Variants in ADAMTSL3 observed in about 807,000 individuals in gnomAD.
ADAMTSL3 encodes the protein ADAMTS like 3, also known as ADAMTS-like protein 3.
A neutral mutation model predicts 201.7 loss-of-function variants in ADAMTSL3; 128 were observed. That is an observed-to-expected ratio of 0.63 (90% CI 0.55 to 0.73). The LOEUF is 0.73. ADAMTSL3 is among the 30% of genes least tolerant of loss of function. The pLI is 0.00. For missense variants in ADAMTSL3, 1,990 were observed against 2,119.6 expected (o/e 0.94, Z 1.20); for synonymous variants, 738 against 748.4 (o/e 0.99, Z 0.23).
intron 2 of ADAMTSL3, among the ~76,000 whole-genome samples, chr15:83,664,037 T>A (rs2061213744): frequency 6.6e-6 from 1 of 152,174 alleles, no homozygotes; most frequent in East Asian, 1.9e-4. Context: ...CCAGGCAGCC[T>A]CCATCTCTCC....
chr15:83,905,521 C>A (rs575799759), intron 15 of ADAMTSL3, among the ~76,000 whole-genome samples: 36 of 152,244 alleles, frequency 2.4e-4, no homozygotes, highest in Admixed American at 1.0e-3. Context: ...GCTGGAGGAG[C>A]CAGCAAGTCT....
chr15:84,006,301 C>T (rs759542360), intron 23 of ADAMTSL3, among the ~76,000 whole-genome samples: 3 of 151,968 alleles, frequency 2.0e-5, no homozygotes, highest in Non-Finnish European at 2.9e-5. Context: ...CTTCATTTGT[C>T]GTATATGAAA....
intron 3 of ADAMTSL3, among the ~76,000 whole-genome samples, chr15:83,708,494 C>T (rs975542013): frequency 1.3e-5 from 2 of 152,012 alleles, no homozygotes; most frequent in African/African-American, 2.4e-5. Context: ...ATGGATCATA[C>T]GGAGGGCCGC....
At chr15:83,677,316 T>G (rs1183332831) in intron 2 of ADAMTSL3, among the ~76,000 whole-genome samples, 1 of 152,160 alleles carries the variant, frequency 6.6e-6, no homozygotes, top group East Asian at 1.9e-4. Flanking sequence ...TGTTTAGTTC[T>G]TCTATAATCT....
chr15:83,903,917 C>CAAAAAAAAAAAAAAAAAA (rs1168502648), intron 15 of ADAMTSL3, among the ~76,000 whole-genome samples: 26 of 19,276 alleles, frequency 1.3e-3, no homozygotes, highest in Admixed American at 3.1e-3. Context: ...GACTCCACAT[C>CAAAAAAAAAAAAAAAAAA]AAAAAAAAAA....
At chr15:83,660,921 C>T (rs1333391454) in intron 2 of ADAMTSL3, among the ~76,000 whole-genome samples, 10 of 149,066 alleles carry the variant, frequency 6.7e-5, no homozygotes, top group East Asian at 5.9e-4. Context: ...TTAGGTCTAA[C>T]GTTTAAATCT....
At chr15:83,834,684 T>A (rs533608478) in intron 6 of ADAMTSL3, among the ~76,000 whole-genome samples, 1 of 152,360 alleles carries the variant, frequency 6.6e-6, no homozygotes, top group African/African-American at 2.4e-5. Flanking sequence ...GCACTACTCA[T>A]ATATTTTAAA....
At chr15:83,692,386 CTTGT>C (rs2061622072) in intron 2 of ADAMTSL3, among the ~76,000 whole-genome samples, 2 of 151,746 alleles carry the variant, frequency 1.3e-5, no homozygotes, top group Admixed American at 1.3e-4. Flanking sequence ...TATCGTCTTG[CTTGT>C]TTAAGAGTTT....
chr15:83,981,571 G>T (rs531381776), intron 20 of ADAMTSL3, among the ~76,000 whole-genome samples: 6 of 152,246 alleles, frequency 3.9e-5, no homozygotes, highest in Non-Finnish European at 8.8e-5. Flanking sequence ...AGAGATGAAA[G>T]AATTTGTCCA....
chr15:83,893,988 A>T (rs4414460), intron 13 of ADAMTSL3, among the ~76,000 whole-genome samples: 1 of 151,972 alleles, frequency 6.6e-6, no homozygotes, highest in Non-Finnish European at 1.5e-5. Context: ...CAGCTACCAT[A>T]CTAAGAAGTA....
chr15:83,775,174 C>A (rs1266330283), intron 4 of ADAMTSL3, among the ~76,000 whole-genome samples: 2 of 152,122 alleles, frequency 1.3e-5, no homozygotes, highest in African/African-American at 2.4e-5. Context: ...AGGGTGAGTT[C>A]TTTCCCACTG....
At position 83,943,897 on chromosome 15, in the gene ADAMTSL3, G is replaced by A. The variant is rs187744829; in HGVS notation, c.2490+815G>A. Among the ~76,000 whole-genome samples, 494 of 152,192 alleles carry A rather than the reference G, an allele frequency of 3.2e-3. 2 individuals carry two copies. Among genetic ancestry groups the A allele is most frequent in the African/African-American group, 0.011 (462 of 41,528 alleles). ...GTACAGTAGTCCCAGTTTATTCACAGGGAATACAGTCCAAGACCCCAGTGG... is the reference window on the plus strand; with the variant it reads ...GTACAGTAGTCCCAGTTTATTCACAAGGAATACAGTCCAAGACCCCAGTGG... On this transcript the variant is annotated intron_variant, in intron 19 of 29. Coordinates refer to ENST00000286744, the MANE Select transcript of ADAMTSL3 (RefSeq NM_207517.3).
intron 2 of ADAMTSL3, among the ~76,000 whole-genome samples, chr15:83,678,773 T>TAA (rs1402980404): frequency 7.8e-6 from 1 of 128,618 alleles, no homozygotes; most frequent in Non-Finnish European, 1.6e-5. Flanking sequence ...TGTATATATA[T>TAA]AACATTAATA....
intron 4 of ADAMTSL3, among the ~76,000 whole-genome samples, chr15:83,794,694 T>C (rs1254982698): frequency 6.6e-6 from 1 of 152,038 alleles, no homozygotes; most frequent in Non-Finnish European, 1.5e-5. Flanking sequence ...AAAAGGCAAC[T>C]TGCAGGATTC....
intron 6 of ADAMTSL3, among the ~76,000 whole-genome samples, chr15:83,831,683 C>G (rs745497167): frequency 2.6e-5 from 4 of 152,156 alleles, no homozygotes; most frequent in Non-Finnish European, 4.4e-5. Flanking sequence ...TGTGCCACCA[C>G]TGGCTAATTT....
At chr15:83,783,426 G>A (rs537206005) in intron 4 of ADAMTSL3, among the ~76,000 whole-genome samples, 4 of 152,178 alleles carry the variant, frequency 2.6e-5, no homozygotes, top group East Asian at 3.9e-4. Flanking sequence ...TACATTAGAT[G>A]TAAATGGACT....
chr15:83,847,384 C>G (rs2064520496), intron 7 of ADAMTSL3, among the ~76,000 whole-genome samples: 2 of 152,086 alleles, frequency 1.3e-5, no homozygotes, highest in Admixed American at 1.3e-4. Context: ...TTTCGCCTTC[C>G]AAAATCCCCC....
rs59307086 is a variant in ADAMTSL3, at chr15:83,773,488, G to GTTT, written c.190-27_190-25dup. 2.2e-4 allele frequency: 307 copies of GTTT among 1,426,538 alleles called. No homozygotes were observed. In the East Asian group the frequency reaches 6.6e-3, roughly 31 times the overall value. 88.4% of individuals were successfully genotyped at this position (1,426,538 alleles called of 1,614,324 possible). On this transcript the variant is annotated intron_variant, in intron 3 of 29. Transcript: ENST00000286744. ...ACATTTGCCTATACTTTATTGTGTG[G>GTTT]TTTTTTTTTTGTTTGTTTGCTTTTT...
intron 19 of ADAMTSL3, among the ~76,000 whole-genome samples, chr15:83,943,696 T>C (rs2066605673): frequency 6.6e-6 from 1 of 152,234 alleles, no homozygotes; most frequent in Admixed American, 6.5e-5. Context: ...CAGAATCCAC[T>C]TGTTTTGACT....
Sources: gnomAD v4.1 joint callset for allele counts (sites outside exome capture counted in the v4.1 genomes callset) on GRCh38, gnomAD v4.1.1 for gene constraint, MANE v1.5 for transcripts, NCBI Gene and HGNC (gene_info 2026-07-23, HGNC 2026-07-21) for gene names.